The following STK3 variants were observed in gnomAD, a reference collection of about 807,000 sequenced individuals.
STK3 encodes the protein serine/threonine kinase 3, also known as serine/threonine-protein kinase 3.
A neutral mutation model predicts 58.0 loss-of-function variants in STK3; 41 were observed. That is an observed-to-expected ratio of 0.71 (90% confidence interval 0.55 to 0.92). The LOEUF is 0.92. Ranked by LOEUF, STK3 falls within the 40% of genes least tolerant of loss-of-function variation. STK3 has a pLI of 0.00. For missense variants in STK3, 479 were observed against 602.7 expected, an observed-to-expected ratio of 0.79 and a Z score of 2.15; for synonymous variants, 170 against 191.0, an observed-to-expected ratio of 0.89 and a Z score of 0.91.
chr8:98,896,762 T>C (rs1339476474), intron 1 of STK3, among the ~76,000 whole-genome samples: 1 of 151,974 alleles, frequency 6.6e-6, no homozygotes, highest in Non-Finnish European at 1.5e-5. Context: ...GTGGATCACT[T>C]GAGGTCAGGA....
chr8:98,605,431 AC>A (rs1467878062), intron 6 of STK3, among the ~76,000 whole-genome samples: 3 of 134,318 alleles, frequency 2.2e-5, no homozygotes, highest in African/African-American at 2.8e-5. Context: ...AAGCAAGCAC[AC>A]CTTTTTTTTT....
At chr8:98,364,196 T>C in the STK3 span, among the ~76,000 whole-genome samples, 62 of 152,216 alleles carry the variant, frequency 4.1e-4, 1 homozygote, top group South Asian at 0.011. Context: ...TGGAGGGTCG[T>C]CTTGGCGTTA....
intron 6 of STK3, among the ~76,000 whole-genome samples, chr8:98,663,030 G>A (rs141065410): frequency 0.037 from 5,686 of 152,146 alleles, 124 homozygotes; most frequent in Middle Eastern, 0.068. Flanking sequence ...TTGATAAATG[G>A]GATCTAATTA....
chr8:98,741,068 A>C (rs536218272), intron 4 of STK3, among the ~76,000 whole-genome samples: 2 of 152,342 alleles, frequency 1.3e-5, no homozygotes, highest in South Asian at 4.1e-4. Flanking sequence ...ATATGCACCC[A>C]ATACAGGAGC....
chr8:98,622,714 G>A lies in STK3; in HGVS notation c.685-26545C>T, dbSNP rs901296072. Among the ~76,000 whole-genome samples the A allele has an allele frequency of 3.9e-5, 6 of 152,230 alleles. No individual in the cohort carries two copies. The South Asian group carries it at 6.2e-4, about 16-fold the overall frequency. On this transcript the variant is annotated intron_variant, in intron 6 of 10. Transcript: ENST00000419617. ...AGAAGAAGACGGAAATTATGTGTTCGCCTATCCTAATGTATTAAACTTTTA... is the reference window on the plus strand; with the variant it reads ...AGAAGAAGACGGAAATTATGTGTTCACCTATCCTAATGTATTAAACTTTTA...
chr8:98,738,768 G>C (rs199606885), intron 4 of STK3, among the ~76,000 whole-genome samples: 1 of 152,238 alleles, frequency 6.6e-6, no homozygotes, highest in African/African-American at 2.4e-5. Context: ...CACCGTGTGC[G>C]AGCCTAAGCA....
At chr8:98,912,933 G>A (rs75243380) in intron 1 of STK3, among the ~76,000 whole-genome samples, 4,024 of 152,074 alleles carry the variant, frequency 0.026, 152 homozygotes, top group African/African-American at 0.089. Flanking sequence ...GTTTGAGACA[G>A]GGTCTCACTC....
At chr8:98,775,851 A>T (rs1831641473) in intron 1 of STK3, among the ~76,000 whole-genome samples, 1 of 152,228 alleles carries the variant, frequency 6.6e-6, no homozygotes. Flanking sequence ...CGGCAGAGAA[A>T]ACATACTACT....
chr8:98,718,966 C>T (rs760380756), intron 4 of STK3, among the ~76,000 whole-genome samples: 134 of 152,144 alleles, frequency 8.8e-4, no homozygotes, highest in Non-Finnish European at 2.6e-4. Context: ...ATGCTTGGAA[C>T]TATGCCTGGC....
downstream of STK3, among the ~76,000 whole-genome samples, chr8:98,366,915 ATTTG>A (rs905289381): frequency 3.3e-5 from 5 of 152,220 alleles, no homozygotes; most frequent in African/African-American, 1.2e-4. Flanking sequence ...TGCATTATTC[ATTTG>A]TTTGTCACTG....
chr8:98,536,653 A>T (rs1809788590), intron 9 of STK3, among the ~76,000 whole-genome samples: 1 of 152,218 alleles, frequency 6.6e-6, no homozygotes, highest in Non-Finnish European at 1.5e-5. Flanking sequence ...TTCTAATGAC[A>T]TCATGAACTC....
At chr8:98,583,317 A>C (rs1814102121) in intron 7 of STK3, among the ~76,000 whole-genome samples, 1 of 152,198 alleles carries the variant, frequency 6.6e-6, no homozygotes, top group African/African-American at 2.4e-5. Context: ...TTACTTCTAA[A>C]TATTCAAATT....
At position 98,614,180 on chromosome 8, in the gene STK3, C is replaced by T. The variant is rs186939240; in HGVS notation, c.685-18011G>A. Among the ~76,000 whole-genome samples, 1,026 of 152,200 alleles carry T rather than the reference C, an allele frequency of 6.7e-3. 8 individuals are homozygous for T. Among genetic ancestry groups the T allele is most frequent in the African/African-American group, 0.023 (962 of 41,530 alleles). The stretch of plus-strand genomic sequence containing the variant: ...ATACAGAAGAAATCAACAACACCAT[C>T]AACAAAATTTATAGAATACCCCACC... On this transcript the variant is annotated intron_variant, in intron 6 of 10. Transcript: ENST00000419617.
chr8:98,710,807 A>G (rs1334528100), intron 4 of STK3, among the ~76,000 whole-genome samples: 1 of 152,228 alleles, frequency 6.6e-6, no homozygotes, highest in Non-Finnish European at 1.5e-5. Flanking sequence ...CTCCCAGCAC[A>G]CAGCTGGAGA....
intron 6 of STK3, among the ~76,000 whole-genome samples, chr8:98,605,447 T>C (rs1273594504): frequency 3.3e-5 from 5 of 151,226 alleles, no homozygotes; most frequent in Admixed American, 6.6e-5. Flanking sequence ...TTTTTTTTTT[T>C]TTTTTTGAGG....
chr8:98,847,720 T>A (rs548467809), intron 3 of STK3, among the ~76,000 whole-genome samples: 26 of 152,246 alleles, frequency 1.7e-4, no homozygotes, highest in African/African-American at 5.8e-4. Flanking sequence ...AAAAAAGGTT[T>A]TTTTTTGTTT....
chr8:98,619,012 T>G (rs1432187070), intron 6 of STK3, among the ~76,000 whole-genome samples: 1 of 148,472 alleles, frequency 6.7e-6, no homozygotes, highest in Non-Finnish European at 1.5e-5. Flanking sequence ...GCCAAGTCAA[T>G]CCTAAGCCAA....
At chr8:98,836,481 A>G (rs867327327) in intron 3 of STK3, among the ~76,000 whole-genome samples, 1 of 152,246 alleles carries the variant, frequency 6.6e-6, no homozygotes, top group Non-Finnish European at 1.5e-5. Context: ...TTAGGATTTC[A>G]ACATATGAAT....
intron 6 of STK3, among the ~76,000 whole-genome samples, chr8:98,679,668 T>C (rs1823485057): frequency 1.3e-5 from 2 of 152,186 alleles, no homozygotes; most frequent in South Asian, 4.1e-4. Context: ...ACTCAATATA[T>C]ATCTACTGAA....
Sources: allele counts gnomAD v4.1 joint callset (sites outside exome capture counted in the v4.1 genomes callset), GRCh38; gene constraint gnomAD v4.1.1; transcripts MANE v1.5; gene names NCBI Gene and HGNC (gene_info 2026-07-23, HGNC 2026-07-21).